MCCC1: variants seen among roughly 807,000 people sequenced by gnomAD.
MCCC1 encodes the protein methylcrotonoyl-CoA carboxylase subunit alpha, mitochondrial.
In MCCC1, 64 loss-of-function variants were observed where a neutral mutation model predicts 83.8. The ratio of observed to expected loss-of-function variants is 0.76; its 90% confidence interval spans 0.62 to 0.94. MCCC1 has a LOEUF of 0.94. Among genes scored for constraint, MCCC1 ranks in the 40% least tolerant of loss-of-function variants. The pLI is 0.00. For synonymous variants in MCCC1, 322 were observed against 315.4 expected, an observed-to-expected ratio of 1.02 and a Z score of -0.22; for missense variants, 807 against 904.7, an observed-to-expected ratio of 0.89 and a Z score of 1.39.
At chr3:183,032,230 G>A (rs1336736839) in intron 14 of MCCC1, among the ~76,000 whole-genome samples, 1 of 152,122 alleles carries the variant, frequency 6.6e-6, no homozygotes, top group Non-Finnish European at 1.5e-5. Context: ...CTTTAGTGAA[G>A]AGCCATGCCA....
rs948619916 is a variant in MCCC1 at position 183,044,014 on chromosome 3, T to C, written c.1083+1399A>G. On this transcript the variant is annotated intron_variant, in intron 10 of 18. Transcript: ENST00000265594. ...TGGTTTTCGTTAACACCCTAGGATA[T>C]AGAGCCCTAGAAGAACCTTTTGGCT... 3.9e-5 allele frequency among the ~76,000 whole-genome samples: 6 copies of C among 152,182 alleles called. 1 individual carries two copies. Among genetic ancestry groups the C allele is most frequent in the Admixed American group, 3.9e-4 (6 of 15,282 alleles).
intron 15 of MCCC1, among the ~76,000 whole-genome samples, chr3:183,023,572 G>A (rs1007366977): frequency 1.1e-4 from 17 of 152,196 alleles, no homozygotes; most frequent in Non-Finnish European, 5.9e-5. Flanking sequence ...TCTCAAACCA[G>A]AGGCATTAAT....
At chr3:183,082,503 T>G (rs990374934) in intron 4 of MCCC1, among the ~76,000 whole-genome samples, 4 of 152,220 alleles carry the variant, frequency 2.6e-5, no homozygotes, top group Non-Finnish European at 5.9e-5. Context: ...CAGCCAGTGC[T>G]CAACTCAAGA....
intron 8 of MCCC1, among the ~76,000 whole-genome samples, chr3:183,053,695 C>G (rs1410903060): frequency 4.0e-5 from 6 of 150,056 alleles, no homozygotes; most frequent in African/African-American, 1.5e-4. Flanking sequence ...GTCCCAGCTA[C>G]TCTGGAGGCT....
At chr3:183,069,680 A>C (rs1716512644) in intron 7 of MCCC1, among the ~76,000 whole-genome samples, 1 of 152,196 alleles carries the variant, frequency 6.6e-6, no homozygotes, top group South Asian at 2.1e-4. Context: ...GTTACCTTCA[A>C]GGTAAATCTC....
chr3:183,022,361 G>T, intron 16 of MCCC1, 56 bp downstream of exon 16: 6 of 1,588,300 alleles, frequency 3.8e-6, no homozygotes, highest in Non-Finnish European at 5.2e-6. Flanking sequence ...GAATGTCTCT[G>T]GTCAAACAGT....
chr3:183,088,880 T>C (rs1468848978), intron 3 of MCCC1, among the ~76,000 whole-genome samples: 1 of 152,252 alleles, frequency 6.6e-6, no homozygotes, highest in Non-Finnish European at 1.5e-5. Flanking sequence ...AGTATCATAG[T>C]TCATTTAATC....
chr3:183,085,631 A>C (rs1399405620), intron 4 of MCCC1, among the ~76,000 whole-genome samples: 2 of 2,354 alleles, frequency 8.5e-4, no homozygotes, highest in Non-Finnish European at 2.1e-3. Context: ...CCCTGTCTTT[A>C]AAAAAAAAAA....
chr3:183,108,945 A>G (rs1005438052), intron 1 of MCCC1, among the ~76,000 whole-genome samples: 1 of 152,130 alleles, frequency 6.6e-6, no homozygotes, highest in African/African-American at 2.4e-5. Context: ...TTTTTCTTTT[A>G]GGTTCGGGGC....
chr3:183,031,139 A>G (rs1250531186), intron 14 of MCCC1, among the ~76,000 whole-genome samples: 1 of 152,110 alleles, frequency 6.6e-6, no homozygotes, highest in East Asian at 1.9e-4. Context: ...CTCCACCAAT[A>G]ACTTCTGGTG....
At chr3:183,077,206 G>T (rs1296942471) in intron 4 of MCCC1, among the ~76,000 whole-genome samples, 1 of 152,132 alleles carries the variant, frequency 6.6e-6, no homozygotes, top group Non-Finnish European at 1.5e-5. Flanking sequence ...GAACATTCAG[G>T]TATAAATTTC....
In MCCC1 at chr3:183,050,222, T is replaced by C. The variant is rs149814789; in HGVS notation, c.955+1937A>G. Among the ~76,000 whole-genome samples, 746 of 152,226 alleles carry C rather than the reference T, an allele frequency of 4.9e-3. 4 individuals are homozygous for C. The highest frequency in any genetic ancestry group is 0.016 in the African/African-American group (647 of 41,538). ...TAAAAAAAGAGAATCTGAATAGCTATATTTATTAAAGAGATTAAGTCAATA... is the reference window on the plus strand; with the variant it reads ...TAAAAAAAGAGAATCTGAATAGCTACATTTATTAAAGAGATTAAGTCAATA... On this transcript the variant is annotated intron_variant, in intron 9 of 18. Coordinates refer to ENST00000265594, the MANE Select transcript of MCCC1 (RefSeq NM_020166.5).
chr3:183,036,870 T>A (rs1421977825), intron 13 of MCCC1, among the ~76,000 whole-genome samples: 12 of 152,200 alleles, frequency 7.9e-5, no homozygotes, highest in Non-Finnish European at 1.6e-4. Context: ...AGATGGGGTT[T>A]CACCGTGTTA....
intron 1 of MCCC1, among the ~76,000 whole-genome samples, chr3:183,113,529 C>T (rs1395066573): frequency 6.6e-6 from 1 of 151,292 alleles, no homozygotes; most frequent in Non-Finnish European, 1.5e-5. Flanking sequence ...CAAACCTGCA[C>T]ATTGTGCACG....
At chr3:183,114,424 G>A (rs529613574) in intron 1 of MCCC1, among the ~76,000 whole-genome samples, 3 of 152,032 alleles carry the variant, frequency 2.0e-5, no homozygotes, top group South Asian at 2.1e-4. Flanking sequence ...AAAGTGTGGC[G>A]TTTTTCTAAC....
chr3:183,099,339 C>A lies in MCCC1; in HGVS notation c.89+13G>T. ...CCCGCCTCTGCCCACTGAGCCATGGCCCCTCCACCCACCTCGGCGGCAGGA... is the reference window on the plus strand; with the variant it reads ...CCCGCCTCTGCCCACTGAGCCATGGACCCTCCACCCACCTCGGCGGCAGGA... On this transcript the variant is annotated intron_variant, in intron 1 of 18. Transcript: ENST00000265594. 6.3e-7 allele frequency: 1 copy of A among 1,587,982 alleles called. No homozygotes were observed. Among genetic ancestry groups the A allele is most frequent in the Middle Eastern group, 1.7e-4 (1 of 6,030 alleles).
intron 14 of MCCC1, among the ~76,000 whole-genome samples, chr3:183,032,234 C>T (rs1229325617): frequency 6.6e-6 from 1 of 152,070 alleles, no homozygotes; most frequent in African/African-American, 2.4e-5. Flanking sequence ...AGTGAAGAGC[C>T]ATGCCAAATA....
At chr3:183,102,649 A>T (rs1005807154), upstream of MCCC1, among the ~76,000 whole-genome samples, 97 of 151,592 alleles carry the variant, frequency 6.4e-4, no homozygotes, top group Non-Finnish European at 6.5e-4. Flanking sequence ...ATCCCTGCTT[A>T]CTTCTTACAC....
chr3:183,104,576 T>A (rs1415017190), intron 1 of MCCC1, among the ~76,000 whole-genome samples: 1 of 152,156 alleles, frequency 6.6e-6, no homozygotes, highest in Non-Finnish European at 1.5e-5. Context: ...GCAACTCTTA[T>A]CACAGATGAA....
Sources: gnomAD v4.1 joint callset for allele counts (sites outside exome capture counted in the v4.1 genomes callset) on GRCh38, gnomAD v4.1.1 for gene constraint, MANE v1.5 for transcripts, NCBI Gene and HGNC (gene_info 2026-07-23, HGNC 2026-07-21) for gene names.